The following ZC3H13 variants were observed in gnomAD, a reference collection of about 807,000 sequenced individuals.
ZC3H13 encodes zinc finger CCCH domain-containing protein 13.
Under a neutral mutation model 204.1 loss-of-function variants are expected in ZC3H13, and 64 were observed. The ratio of observed to expected loss-of-function variants is 0.31; its 90% CI spans 0.26 to 0.39. The LOEUF (loss-of-function observed/expected upper bound fraction) is 0.39. ZC3H13 is among the 10% of genes least tolerant of loss of function. The pLI, the probability that ZC3H13 is intolerant of heterozygous loss-of-function variation, is 1.00. For missense variants in ZC3H13, 1,833 were observed against 2,082.7 expected, an observed-to-expected ratio of 0.88 and a Z score of 2.33; for synonymous variants, 667 against 693.7, an observed-to-expected ratio of 0.96 and a Z score of 0.60.
At chr13:46,037,955 T>C (rs2043312721) in intron 4 of ZC3H13, among the ~76,000 whole-genome samples, 2 of 152,170 alleles carry the variant, frequency 1.3e-5, no homozygotes, top group African/African-American at 2.4e-5. Context: ...CTACCCACAT[T>C]TGACAGCACA....
At chr13:45,996,748 C>CAAA (rs79022953) in intron 8 of ZC3H13, among the ~76,000 whole-genome samples, 14 of 50,528 alleles carry the variant, frequency 2.8e-4, no homozygotes, top group African/African-American at 8.5e-4. Context: ...TGAATATGTA[C>CAAA]AAAAAAAAAA....
At position 45,989,038 on chromosome 13, in the gene ZC3H13, G is replaced by A; in HGVS notation, c.1004C>T (p.Ser335Phe). The change falls in exon 9 of 19, where the codon TCC becomes TTC. Residue 335 changes from serine to phenylalanine, a missense_variant. This residue lies in a region of ZC3H13 where 1,574 missense variants were observed against 1,757.2 expected (regional missense o/e 0.90). Coordinates refer to ENST00000679008, the MANE Select transcript of ZC3H13 (RefSeq NM_001330564.2). ...TTGAATAGATGATCCTGATTGTGAG[G>A]AAGATGAGTGATGTCTAGAAGATAT... ...SPISSRHHSS[S>F]SQSGSSIQRH... 1 of 1,614,152 alleles carries A rather than the reference G, an allele frequency of 6.2e-7. No individual in the cohort carries two copies. The highest frequency in any genetic ancestry group is 1.1e-5 in the South Asian group (1 of 91,084).
chr13:46,052,612 G>C lies in ZC3H13; in HGVS notation c.-218C>G, dbSNP rs1056503427. ...GAGAAGCAGAACCAACCCGCCCGCCGCCTCTCCAGGGTCAAGCGAAACTGG... is the reference window on the plus strand; with the variant it reads ...GAGAAGCAGAACCAACCCGCCCGCCCCCTCTCCAGGGTCAAGCGAAACTGG... On this transcript the variant is annotated 5_prime_UTR_variant, in exon 1 of 19. Coordinates refer to ENST00000679008, the MANE Select transcript of ZC3H13 (RefSeq NM_001330564.2). 1.9e-4 allele frequency: 74 copies of C among 398,760 alleles called. No individual in the cohort carries two copies. The highest frequency in any genetic ancestry group is 1.3e-3 in the African/African-American group (64 of 48,754). 24.7% of individuals were successfully genotyped at this position (398,760 alleles called of 1,614,324 possible). A position where few individuals can be genotyped will look rare whatever the true frequency, so the allele number is the denominator to read the frequency against.
At chr13:45,998,351 C>A (rs1307579179) in intron 8 of ZC3H13, among the ~76,000 whole-genome samples, 3 of 151,962 alleles carry the variant, frequency 2.0e-5, no homozygotes, top group Non-Finnish European at 2.9e-5. Context: ...AGATTTATAT[C>A]TAAAAAAGTA....
At chr13:45,974,320 G>A (rs1292089845) in intron 12 of ZC3H13, among the ~76,000 whole-genome samples, 1 of 152,154 alleles carries the variant, frequency 6.6e-6, no homozygotes, top group Non-Finnish European at 1.5e-5. Context: ...TAAGCTGACA[G>A]GGACAACTCT....
Position 45,969,257 on chromosome 13 carries a change from G to A in ZC3H13, c.3287C>T (p.Pro1096Leu). Reference sequence around the variant, plus strand: ...TGGAGGAGGAAGAAGAGAAGATAGAGGAGAAGGGGTACTACCAGGAGTCGT... The same window carrying A: ...TGGAGGAGGAAGAAGAGAAGATAGAAGAGAAGGGGTACTACCAGGAGTCGT... ...TATTPGSTPS[P>L]LSSLLPPPPP... Residue 1096 changes from proline (P) to leucine (L), a missense_variant, in exon 14 of 19, where the codon CCT becomes CTT. Pro to Leu is a moderately conservative substitution (Grantham distance 98). Around this residue, in one of 5 missense-constraint regions of ZC3H13, gnomAD observed 1,574 missense variants for 1,757.2 expected, o/e 0.90. Coordinates refer to ENST00000679008, the MANE Select transcript of ZC3H13 (RefSeq NM_001330564.2). 5.6e-6 allele frequency: 9 copies of A among 1,614,006 alleles called. No homozygotes were observed. Among genetic ancestry groups the A allele is most frequent in the Non-Finnish European group, 7.6e-6 (9 of 1,179,986 alleles).
intron 15 of ZC3H13, among the ~76,000 whole-genome samples, chr13:45,965,822 A>G (rs1952032492): frequency 6.6e-6 from 1 of 152,188 alleles, no homozygotes; most frequent in Admixed American, 6.5e-5. Flanking sequence ...AAATTTTCAC[A>G]ATTTATCTAA....
At chr13:45,971,875 C>A (rs1246807678) in intron 12 of ZC3H13, among the ~76,000 whole-genome samples, 1 of 151,922 alleles carries the variant, frequency 6.6e-6, no homozygotes, top group Non-Finnish European at 1.5e-5. Context: ...AGAAGACATA[C>A]AAACAGCCAA....
At chr13:45,974,439 T>A (rs1250815974) in intron 12 of ZC3H13, among the ~76,000 whole-genome samples, 1 of 152,188 alleles carries the variant, frequency 6.6e-6, no homozygotes, top group African/African-American at 2.4e-5. Context: ...AATCTGGATA[T>A]AGCCACATCA....
At chr13:45,995,268 C>T (rs1006005464) in intron 8 of ZC3H13, among the ~76,000 whole-genome samples, 2 of 152,152 alleles carry the variant, frequency 1.3e-5, no homozygotes, top group Admixed American at 6.5e-5. Flanking sequence ...TCCAATTTTG[C>T]AAAGCAAGTT....
chr13:45,964,095 G>A, intron 16 of ZC3H13, 53 bp from the exon 17 acceptor site: 3 of 1,498,670 alleles, frequency 2.0e-6, no homozygotes, highest in Non-Finnish European at 2.7e-6. Context: ...TAGCAGTCTT[G>A]TTATCTACAT....
At chr13:45,962,631 A>G (rs1951770783) in intron 17 of ZC3H13, 1 of 983,076 alleles carries the variant, frequency 1.0e-6, no homozygotes, top group African/African-American at 1.7e-5. Flanking sequence ...TTATTGGGCT[A>G]TATTAAAATA....
Position 45,969,450 on chromosome 13 carries a change from G to A in ZC3H13, c.3094C>T (p.Arg1032Trp), listed in dbSNP as rs759262018. Reference protein sequence around the residue: ...AQQSKKKRGPRTPPITTKEEL... With the variant: ...AQQSKKKRGPWTPPITTKEEL... ...TCTTTAGTTGTTATAGGGGGAGTCC[G>A]TGGGCCTCTTTTCTTCTTACTTTGC... The change falls in exon 14 of 19, where the codon CGG becomes TGG. Residue 1032 changes from arginine to tryptophan, a missense_variant. Transcript: ENST00000679008. 13 of 1,613,782 alleles carry A rather than the reference G, an allele frequency of 8.1e-6. No homozygotes were observed. Among genetic ancestry groups the A allele is most frequent in the Middle Eastern group, 1.7e-4 (1 of 6,054 alleles).
At chr13:45,962,396 C>T in intron 17 of ZC3H13, 3 of 985,356 alleles carry the variant, frequency 3.0e-6, no homozygotes, top group Non-Finnish European at 3.6e-6. Context: ...TGAAATGCTA[C>T]TAGCAAAAGG....
intron 8 of ZC3H13, among the ~76,000 whole-genome samples, chr13:45,991,772 G>A (rs1192674516): frequency 1.3e-5 from 2 of 152,054 alleles, no homozygotes; most frequent in Non-Finnish European, 2.9e-5. Context: ...TTGTATCCAG[G>A]GAAAGTTGAT....
intron 18 of ZC3H13, among the ~76,000 whole-genome samples, chr13:45,958,738 C>T (rs935787547): frequency 1.5e-4 from 22 of 149,332 alleles, no homozygotes; most frequent in African/African-American, 5.2e-4. Context: ...TCACTGCAAG[C>T]TCCGCCTCCT....
intron 12 of ZC3H13, among the ~76,000 whole-genome samples, chr13:45,970,762 AG>A (rs1461104927): frequency 6.6e-6 from 1 of 152,234 alleles, no homozygotes; most frequent in Non-Finnish European, 1.5e-5. Context: ...CATGCAGCAC[AG>A]AAACCAATAT....
chr13:46,044,329 T>TAC (rs2043796912), intron 3 of ZC3H13, among the ~76,000 whole-genome samples: 1 of 152,042 alleles, frequency 6.6e-6, no homozygotes, highest in Admixed American at 6.6e-5. Context: ...TTATGTATAT[T>TAC]ACATCTTTAA....
intron 7 of ZC3H13, among the ~76,000 whole-genome samples, chr13:46,004,913 A>T (rs539595258): frequency 2.6e-5 from 4 of 152,302 alleles, no homozygotes; most frequent in African/African-American, 9.6e-5. Flanking sequence ...AGTAATTTTA[A>T]GTAAATAGTA....
Sources: gnomAD v4.1 joint callset for allele counts (sites outside exome capture counted in the v4.1 genomes callset) on GRCh38, gnomAD v4.1.1 for gene constraint, gnomAD v4.1.1 regional missense constraint, MANE v1.5 for transcripts, NCBI Gene and HGNC (gene_info 2026-07-23, HGNC 2026-07-21) for gene names.